HGSNAT: variants seen among roughly 807,000 people sequenced by gnomAD.
HGSNAT encodes the protein heparan-alpha-glucosaminide N-acetyltransferase.
HGSNAT carries 59 observed loss-of-function variants against 85.2 expected under a neutral mutation model. That is an observed-to-expected ratio of 0.69 (90% confidence interval 0.56 to 0.86). The LOEUF (loss-of-function observed/expected upper bound fraction) is 0.86. Ranked by LOEUF, HGSNAT falls within the 40% of genes least tolerant of loss-of-function variation. The pLI, the probability that HGSNAT is intolerant of heterozygous loss-of-function variation, is 0.00. For synonymous variants in HGSNAT, 321 were observed against 304.5 expected (o/e 1.05, Z -0.56); for missense variants, 756 against 777.1 (o/e 0.97, Z 0.32).
chr8:43,148,751 C>T (rs1390155712), intron 2 of HGSNAT, among the ~76,000 whole-genome samples: 1 of 150,468 alleles, frequency 6.6e-6, no homozygotes, highest in Non-Finnish European at 1.5e-5. Flanking sequence ...CGAGATCGCA[C>T]CATTGCACTC....
intron 2 of HGSNAT, among the ~76,000 whole-genome samples, chr8:43,152,853 C>T (rs1802962697): frequency 6.6e-6 from 1 of 151,718 alleles, no homozygotes. Flanking sequence ...TCAGTGTTTC[C>T]CAAGTTAATT....
At chr8:43,142,328 C>T (rs57191560) in intron 1 of HGSNAT, among the ~76,000 whole-genome samples, 10 of 152,044 alleles carry the variant, frequency 6.6e-5, no homozygotes, top group African/African-American at 1.9e-4. Context: ...CCTGGAATTT[C>T]TTAGGTCAGC....
In HGSNAT at chr8:43,193,775, G is replaced by T. The variant is rs1414923802; in HGVS notation, c.1396G>T (p.Val466Leu). ...TGTTAAGGTACTTTACCACACCGAG[G>T]TGGCCTATGACCCCGAGGGCATCCT... ...PSSAVLYHTE[V>L]AYDPEGILGT... Residue 466 changes from valine to leucine, a missense_variant, in exon 14 of 18, where the codon GTG (valine) becomes TTG (leucine). Transcript: ENST00000379644. The T allele has an allele frequency of 3.7e-6, 6 of 1,613,480 alleles. No individual in the cohort carries two copies. The highest frequency in any genetic ancestry group is 5.1e-6 in the Non-Finnish European group (6 of 1,179,560).
rs373494649 is a variant in HGSNAT, at chr8:43,198,488, A to T, written c.1726+536A>T. Among the ~76,000 whole-genome samples, 28 of 151,896 alleles carry T rather than the reference A, an allele frequency of 1.8e-4. No homozygotes were observed. The East Asian group carries it at 2.9e-3, about 16-fold the overall frequency. On this transcript the variant is annotated intron_variant, in intron 17 of 17. Coordinates refer to ENST00000379644, the MANE Select transcript of HGSNAT (RefSeq NM_152419.3). Reference sequence around the variant, plus strand: ...ATTTTTAGTTGAGATGGGATTTCACAGTGTTAGCTAGGATGGTCTTGATCT... The same window carrying T: ...ATTTTTAGTTGAGATGGGATTTCACTGTGTTAGCTAGGATGGTCTTGATCT...
intron 2 of HGSNAT, among the ~76,000 whole-genome samples, chr8:43,155,169 G>T (rs1803053017): frequency 1.3e-5 from 2 of 152,064 alleles, no homozygotes; most frequent in South Asian, 4.1e-4. Flanking sequence ...TTCCCACAAT[G>T]GCTGTACTAA....
intron 5 of HGSNAT, 69 bp from the exon 6 acceptor site, chr8:43,169,104 A>G (rs1024182962): frequency 1.2e-5 from 10 of 806,920 alleles, no homozygotes; most frequent in Admixed American, 2.9e-5. Context: ...TTATTTCCAT[A>G]TAATATCCAA....
chr8:43,201,766 C>T lies in HGSNAT; in HGVS notation c.*2197C>T, dbSNP rs1263913450. ...ATGCCTTGTTGGTTTCTGTATTCCTCATGGTGCCAAACACAGTGCCTTCTA... is the reference window on the plus strand; with the variant it reads ...ATGCCTTGTTGGTTTCTGTATTCCTTATGGTGCCAAACACAGTGCCTTCTA... On this transcript the variant is annotated 3_prime_UTR_variant, in exon 18 of 18. Transcript: ENST00000379644. This position sits in a 1 kb window ranked among gnomAD's most constrained non-coding sequence, Gnocchi z 4.4. 1.3e-5 allele frequency: 2 copies of T among 152,232 alleles called. No homozygotes were observed. Among genetic ancestry groups the T allele is most frequent in the African/African-American group, 2.4e-5 (1 of 41,456 alleles). The allele number at this position is 152,232 out of a possible 1,614,324, so 9.4% of individuals were successfully genotyped here.
At chr8:43,169,069 G>A (rs1803525192) in intron 5 of HGSNAT, 104 bp from the exon 6 acceptor site, 1 of 571,482 alleles carries the variant, frequency 1.7e-6, no homozygotes, top group Non-Finnish European at 2.9e-6. Context: ...TAATTACTTA[G>A]TAATATAGAA....
chr8:43,172,811 T>A (rs1195293515), intron 8 of HGSNAT, among the ~76,000 whole-genome samples: 1 of 152,212 alleles, frequency 6.6e-6, no homozygotes, highest in Non-Finnish European at 1.5e-5. Context: ...TGGTGGTGAA[T>A]AATATCTGTA....
rs145609913 is a variant in HGSNAT at position 43,158,857 on chromosome 8, T to C, written c.372-66T>C. The stretch of plus-strand genomic sequence containing the variant: ...CATGTATTATTCTGCCTCCATGATA[T>C]TAGCAAAATCCAACTTCTTATTTTC... On this transcript the variant is annotated intron_variant, in intron 3 of 17. Coordinates refer to ENST00000379644, the MANE Select transcript of HGSNAT (RefSeq NM_152419.3). 471 of 1,548,758 alleles carry C rather than the reference T, an allele frequency of 3.0e-4. 1 individual carries two copies. The African/African-American group carries it at 5.5e-3, about 18-fold the overall frequency.
chr8:43,168,013 G>C (rs1444726463), intron 5 of HGSNAT: 2 of 226,004 alleles, frequency 8.8e-6, no homozygotes, highest in African/African-American at 4.8e-5. Context: ...CTGCCTCCCG[G>C]GTTCACACCA....
intron 2 of HGSNAT, among the ~76,000 whole-genome samples, chr8:43,151,758 G>A (rs532133498): frequency 2.6e-5 from 4 of 152,264 alleles, no homozygotes; most frequent in South Asian, 2.1e-4. Flanking sequence ...TAATAAAGAC[G>A]ATGGTAATAG....
chr8:43,175,295 C>T lies in HGSNAT; in HGVS notation c.851+1552C>T, dbSNP rs958976818. Among the ~76,000 whole-genome samples, 3 of 152,110 alleles carry T rather than the reference C, an allele frequency of 2.0e-5. No individual in the cohort carries two copies. The East Asian group carries it at 5.8e-4, about 29-fold the overall frequency. ...CCTCTACTTTTAGGTTTTGAGGAAC[C>T]TCTAACCTATTGTCCATGGTGATTG... is the stretch of plus-strand genomic sequence containing the variant. On this transcript the variant is annotated intron_variant, in intron 9 of 17. Transcript: ENST00000379644.
At chr8:43,181,757 TG>T in intron 10 of HGSNAT, 1 of 192,172 alleles carries the variant, frequency 5.2e-6, no homozygotes, top group South Asian at 1.2e-4. Context: ...TGGCTTGTGT[TG>T]GGCCTGCAAG....
chr8:43,158,532 TG>T (rs1280952210), intron 2 of HGSNAT, 42 bp from the exon 3 acceptor site: 6 of 1,611,652 alleles, frequency 3.7e-6, no homozygotes, highest in Non-Finnish European at 5.1e-6. Context: ...CAACAGATGT[TG>T]AAAAACCTCT....
intron 11 of HGSNAT, among the ~76,000 whole-genome samples, chr8:43,188,508 C>G (rs978212626): frequency 1.3e-5 from 2 of 152,200 alleles, no homozygotes; most frequent in African/African-American, 2.4e-5. Context: ...CATTTAAGGT[C>G]TTTTCTACAC....
At chr8:43,177,241 C>CT (rs879720322) in intron 9 of HGSNAT, among the ~76,000 whole-genome samples, 43 of 146,784 alleles carry the variant, frequency 2.9e-4, no homozygotes, top group East Asian at 7.9e-4. Flanking sequence ...AGTATTCTAA[C>CT]TTTTTTTTTT....
chr8:43,168,656 C>A (rs187102093), intron 5 of HGSNAT, among the ~76,000 whole-genome samples: 28 of 152,112 alleles, frequency 1.8e-4, no homozygotes, highest in Admixed American at 1.7e-3. Context: ...CTCGGCCCCC[C>A]AAAGTGCTGG....
At chr8:43,185,892 T>A (rs1415707043) in intron 11 of HGSNAT, among the ~76,000 whole-genome samples, 5 of 152,226 alleles carry the variant, frequency 3.3e-5, no homozygotes, top group Non-Finnish European at 7.3e-5. Context: ...TCTATTGAGA[T>A]AATCATGTGG....
Sources: gnomAD v4.1 joint callset for allele counts (sites outside exome capture counted in the v4.1 genomes callset) on GRCh38, gnomAD v4.1.1 for gene constraint, Gnocchi (gnomAD v3.1) non-coding constraint, MANE v1.5 for transcripts, NCBI Gene and HGNC (gene_info 2026-07-23, HGNC 2026-07-21) for gene names.